Variants in DMD observed in about 807,000 individuals in gnomAD.
DMD encodes mutant dystrophin.
A neutral mutation model predicts 330.1 loss-of-function variants in DMD; 63 were observed. The observed-to-expected ratio is 0.19, with a 90% CI of 0.16 to 0.24. The LOEUF is 0.24. DMD is among the 10% of genes least tolerant of loss of function. The pLI, the probability that DMD is intolerant of heterozygous loss-of-function variation, is 1.00. For missense variants in DMD, 3,344 were observed against 2,684.1 expected (o/e 1.25, Z -5.43); for synonymous variants, 1,223 against 959.8 (o/e 1.27, Z -5.07).
At chrX:31,299,088 C>T (rs2054428639) in intron 62 of DMD, among the ~76,000 whole-genome samples, 1 of 111,687 alleles carries the variant, frequency 9.0e-6, no homozygotes, top group East Asian at 2.8e-4. Flanking sequence ...TTCACATGAA[C>T]TCGCTGTTTT....
intron 25 of DMD, among the ~76,000 whole-genome samples, chrX:32,457,992 G>A (rs1379333122): frequency 2.7e-5 from 3 of 110,835 alleles, no homozygotes; most frequent in South Asian, 7.5e-4. Flanking sequence ...TAACAAACAT[G>A]TACAGTGATT....
At chrX:31,631,920 T>G (rs1003319579) in intron 54 of DMD, among the ~76,000 whole-genome samples, 2 of 111,593 alleles carry the variant, frequency 1.8e-5, no homozygotes, top group African/African-American at 6.5e-5. Context: ...CAAGCAAGAA[T>G]CTACTGAAGG....
chrX:32,496,486 C>A (rs2043496734), intron 19 of DMD, among the ~76,000 whole-genome samples: 1 of 111,723 alleles, frequency 9.0e-6, no homozygotes. Flanking sequence ...AAAAGTAATA[C>A]CCCTAGTGAG....
chrX:32,404,810 T>C (rs1358288752), intron 30 of DMD, among the ~76,000 whole-genome samples: 1 of 111,903 alleles, frequency 8.9e-6, no homozygotes, highest in Non-Finnish European at 1.9e-5. Context: ...TTAATTGACA[T>C]GTTAACAAAT....
rs1362873274 is a variant in DMD, at chrX:33,286,886, T to C, written c.7+52373A>G. Among the ~76,000 whole-genome samples the C allele has an allele frequency of 2.7e-5, 3 of 112,375 alleles. No homozygotes were observed. In the Admixed American group the frequency reaches 2.8e-4, roughly 11 times the overall value. On this transcript the variant is annotated intron_variant, in intron 1 of 17. Transcript: ENST00000288447. ...TGTGTCAATTCAGAGCTTCAGATTT[T>C]AAAAAGCTAATATATCTTCTCTGCT...
chrX:31,380,709 C>CA (rs2060135105), intron 60 of DMD, among the ~76,000 whole-genome samples: 1 of 110,691 alleles, frequency 9.0e-6, no homozygotes, highest in South Asian at 3.9e-4. Flanking sequence ...CTCCTGTCCT[C>CA]AATACCTCCC....
intron 44 of DMD, among the ~76,000 whole-genome samples, chrX:32,068,625 G>A (rs768620823): frequency 9.1e-6 from 1 of 110,038 alleles, no homozygotes; most frequent in South Asian, 3.8e-4. Context: ...ATGTGTACAT[G>A]ACATCTTGGT....
intron 2 of DMD, among the ~76,000 whole-genome samples, chrX:33,015,798 T>C (rs899227293): frequency 8.9e-6 from 1 of 111,928 alleles, no homozygotes; most frequent in African/African-American, 3.2e-5. Context: ...TATCAATTTA[T>C]TTTATCACAT....
chrX:31,349,794 G>A (rs1164681511), intron 60 of DMD, among the ~76,000 whole-genome samples: 2 of 111,888 alleles, frequency 1.8e-5, no homozygotes, highest in African/African-American at 6.5e-5. Flanking sequence ...AACAGTCCAT[G>A]CTAAACTAGG....
At chrX:32,599,002 T>C (rs2149279097) in intron 12 of DMD, among the ~76,000 whole-genome samples, 1 of 111,896 alleles carries the variant, frequency 8.9e-6, no homozygotes, top group African/African-American at 3.2e-5. Context: ...TAATGTTATT[T>C]CCAGTATCTC....
intron 1 of DMD, among the ~76,000 whole-genome samples, chrX:33,032,329 G>A (rs1243873803): frequency 8.9e-6 from 1 of 112,290 alleles, no homozygotes; most frequent in Non-Finnish European, 1.9e-5. Context: ...AATTGAACCT[G>A]ACATGTGAAT....
At chrX:32,854,740 G>T (rs1001743775) in intron 2 of DMD, among the ~76,000 whole-genome samples, 1 of 111,130 alleles carries the variant, frequency 9.0e-6, no homozygotes, top group African/African-American at 3.3e-5. Context: ...GAGACCTGAT[G>T]GCTTCACTGC....
At chrX:31,170,673 T>G (rs1005718014) in intron 73 of DMD, among the ~76,000 whole-genome samples, 4 of 111,613 alleles carry the variant, frequency 3.6e-5, no homozygotes, top group Non-Finnish European at 5.7e-5. Context: ...AAAAGCTGAC[T>G]AAAAATAATT....
intron 64 of DMD, among the ~76,000 whole-genome samples, chrX:31,215,634 T>C (rs1260294034): frequency 1.8e-5 from 2 of 112,390 alleles, no homozygotes; most frequent in Non-Finnish European, 3.8e-5. Flanking sequence ...ACAATCTCAA[T>C]AAACACTGTG....
intron 43 of DMD, among the ~76,000 whole-genome samples, chrX:32,249,770 T>G (rs2097256043): frequency 1.8e-5 from 2 of 111,515 alleles, no homozygotes; most frequent in Admixed American, 9.6e-5. Flanking sequence ...TGGCTTTTAT[T>G]TCTTTCTATT....
chrX:32,866,731 G>GC (rs1171402238), intron 2 of DMD, among the ~76,000 whole-genome samples: 2 of 33,377 alleles, frequency 6.0e-5, no homozygotes, highest in African/African-American at 2.1e-4. Context: ...TTTTGGGGGG[G>GC]GGTGGGGGGG....
At chrX:32,562,527 G>A (rs1240156730) in intron 16 of DMD, among the ~76,000 whole-genome samples, 2 of 112,725 alleles carry the variant, frequency 1.8e-5, no homozygotes, top group Non-Finnish European at 3.7e-5. Context: ...TAACCATTAT[G>A]AGAACTTTGC....
At chrX:32,173,471 C>T (rs2096895703) in intron 44 of DMD, among the ~76,000 whole-genome samples, 2 of 110,648 alleles carry the variant, frequency 1.8e-5, no homozygotes, top group South Asian at 3.9e-4. Flanking sequence ...CTCCCAGGTT[C>T]AAGTGATTCT....
intron 50 of DMD, among the ~76,000 whole-genome samples, chrX:31,787,162 C>T (rs752810813): frequency 2.0e-4 from 22 of 110,947 alleles, no homozygotes; most frequent in African/African-American, 5.9e-4. Context: ...ACCTGAGGTC[C>T]GGAGTTCAAG....
Sources: allele counts gnomAD v4.1 joint callset (sites outside exome capture counted in the v4.1 genomes callset), GRCh38; gene constraint gnomAD v4.1.1; transcripts MANE v1.5; gene names NCBI Gene and HGNC (gene_info 2026-07-23, HGNC 2026-07-21).